The following TAPT1 variants were observed in gnomAD, a reference collection of about 807,000 sequenced individuals.
TAPT1 encodes the protein transmembrane anterior posterior transformation protein 1 homolog.
TAPT1 carries 28 observed loss-of-function variants against 65.6 expected under a neutral mutation model. The observed-to-expected ratio is 0.43, with a 90% CI of 0.32 to 0.59. TAPT1 has a LOEUF of 0.59. TAPT1 is among the 20% of genes least tolerant of loss of function. TAPT1 has a pLI of 0.09. For missense variants in TAPT1, 563 were observed against 679.9 expected, an observed-to-expected ratio of 0.83 and a Z score of 1.91; for synonymous variants, 278 against 245.2, an observed-to-expected ratio of 1.13 and a Z score of -1.25.
intron 13 of TAPT1, among the ~76,000 whole-genome samples, chr4:16,163,995 C>T (rs748641143): frequency 5.3e-5 from 8 of 152,120 alleles, no homozygotes; most frequent in Non-Finnish European, 1.0e-4. Flanking sequence ...CTGGGAAGTC[C>T]AAACCAGAGG....
At position 16,161,060 on chromosome 4, in the gene TAPT1, T is replaced by C. The variant is rs1045725497; in HGVS notation, c.*2248A>G. ...ATATTTTGTGTGACATTCAAAACAC[T>C]TGTAAAATGCAAATACCTTCATTTG... On this transcript the variant is annotated 3_prime_UTR_variant, in exon 14 of 14. Coordinates refer to ENST00000405303, the MANE Select transcript of TAPT1 (RefSeq NM_153365.3). The C allele has an allele frequency of 6.5e-6, 1 of 152,682 alleles. No homozygotes were observed. The highest frequency in any genetic ancestry group is 1.5e-5 in the Non-Finnish European group (1 of 68,048). 9.5% of individuals were successfully genotyped at this position (152,682 alleles called of 1,614,324 possible).
At chr4:16,166,233 G>T (rs2149663968) in intron 13 of TAPT1, among the ~76,000 whole-genome samples, 1 of 152,320 alleles carries the variant, frequency 6.6e-6, no homozygotes, top group East Asian at 1.9e-4. Context: ...CTTGGGGGAG[G>T]GCCCAACTCC....
At chr4:16,205,310 C>T (rs556746894) in intron 2 of TAPT1, among the ~76,000 whole-genome samples, 8 of 152,300 alleles carry the variant, frequency 5.3e-5, no homozygotes. Context: ...CCATCTCCTC[C>T]ACCACAACCA....
chr4:16,191,534 C>T lies in TAPT1; in HGVS notation c.450-11G>A, dbSNP rs778809395. The T allele has an allele frequency of 2.1e-5, 32 of 1,549,818 alleles. No homozygotes were observed. Among genetic ancestry groups the T allele is most frequent in the Non-Finnish European group, 2.6e-5 (30 of 1,146,228 alleles). On this transcript the variant is annotated splice_polypyrimidine_tract_variant and intron_variant, in intron 3 of 13. Transcript: ENST00000405303. ...AGCAAACGTCTGTCCCTGAAACATACAAGAAGTAATAAAAATATAATTTTT... is the reference window on the plus strand; with the variant it reads ...AGCAAACGTCTGTCCCTGAAACATATAAGAAGTAATAAAAATATAATTTTT...
chr4:16,180,533 G>A (rs1352088348), intron 7 of TAPT1, among the ~76,000 whole-genome samples: 1 of 152,138 alleles, frequency 6.6e-6, no homozygotes, highest in Non-Finnish European at 1.5e-5. Flanking sequence ...CTCAGTAAAT[G>A]CAAGCCTCAC....
In TAPT1 at chr4:16,161,192, T is replaced by C. The variant is rs974564425; in HGVS notation, c.*2116A>G. The stretch of plus-strand genomic sequence containing the variant: ...ACCAAAGCAATAATTCAAATTAAGA[T>C]AGCTCTATCACTTGTGAATTACAAA... On this transcript the variant is annotated 3_prime_UTR_variant, in exon 14 of 14. Coordinates refer to ENST00000405303, the MANE Select transcript of TAPT1 (RefSeq NM_153365.3). 6.6e-6 allele frequency: 1 copy of C among 152,644 alleles called. No individual in the cohort carries two copies. Among genetic ancestry groups the C allele is most frequent in the African/African-American group, 2.4e-5 (1 of 41,438 alleles). The allele number at this position is 152,644 out of a possible 1,614,324, so 9.5% of individuals were successfully genotyped here.
chr4:16,211,050 T>C (rs61006302), intron 2 of TAPT1, among the ~76,000 whole-genome samples: 1,527 of 152,070 alleles, frequency 0.01, 25 homozygotes, highest in African/African-American at 0.036. Context: ...GGGTGTTTTT[T>C]TTTTCACATT....
chr4:16,172,827 G>C (rs537020359), intron 11 of TAPT1, among the ~76,000 whole-genome samples: 65 of 150,932 alleles, frequency 4.3e-4, no homozygotes, highest in Non-Finnish European at 7.4e-4. Context: ...TTTTGTTTTT[G>C]TTGTTTTTTT....
At chr4:16,195,060 G>A (rs1285608197) in intron 3 of TAPT1, among the ~76,000 whole-genome samples, 7 of 151,998 alleles carry the variant, frequency 4.6e-5, no homozygotes, top group African/African-American at 9.7e-5. Flanking sequence ...AAATGTCCTT[G>A]TTAATAAAAA....
intron 8 of TAPT1, chr4:16,179,285 T>C (rs1327559527): frequency 7.5e-6 from 2 of 267,790 alleles, no homozygotes; most frequent in Non-Finnish European, 1.4e-5. Context: ...AGGCAAACTG[T>C]GACACAATGG....
chr4:16,219,630 C>T (rs879842635), intron 1 of TAPT1, among the ~76,000 whole-genome samples: 3 of 152,186 alleles, frequency 2.0e-5, no homozygotes, highest in East Asian at 1.9e-4. Flanking sequence ...CCTACTCCTG[C>T]GTAAGTGGCT....
rs934901237 is a variant in TAPT1, at chr4:16,177,830, T to A, written c.998-1602A>T. Among the ~76,000 whole-genome samples the A allele has an allele frequency of 3.9e-4, 58 of 148,840 alleles. No individual in the cohort carries two copies. In the South Asian group the frequency reaches 1.0e-2, roughly 26 times the overall value. On this transcript the variant is annotated intron_variant, in intron 8 of 13. Transcript: ENST00000405303. ...ATGGCACTTTGTTGGTTTTTTTTTT[T>A]AAGAAATTTTAATAAACCTAAAAAA...
At chr4:16,216,853 T>C (rs1479993224) in intron 1 of TAPT1, among the ~76,000 whole-genome samples, 2 of 152,102 alleles carry the variant, frequency 1.3e-5, no homozygotes, top group Non-Finnish European at 2.9e-5. Flanking sequence ...TCAGATATGG[T>C]TCTGCTGAAA....
chr4:16,167,609 G>A (rs1747725966), intron 12 of TAPT1, among the ~76,000 whole-genome samples: 1 of 152,198 alleles, frequency 6.6e-6, no homozygotes, highest in Non-Finnish European at 1.5e-5. Flanking sequence ...TCTGTGTGGA[G>A]TCCTGAGTCC....
intron 4 of TAPT1, 89 bp downstream of exon 4, chr4:16,191,272 A>T: frequency 1.5e-6 from 2 of 1,323,034 alleles, no homozygotes; most frequent in Non-Finnish European, 2.1e-6. Context: ...GAGTCGGTAG[A>T]GCATTCTTGA....
In TAPT1 at chr4:16,202,312, T is replaced by C. The variant is rs11946259; in HGVS notation, c.449+150A>G. 24,656 of 395,848 alleles carry C rather than the reference T, an allele frequency of 0.062. 4,513 individuals carry two copies. Among genetic ancestry groups the C allele is most frequent in the African/African-American group, 0.42 (20,141 of 47,718 alleles). The allele number at this position is 395,848 out of a possible 1,614,324, so 24.5% of individuals were successfully genotyped here. On this transcript the variant is annotated intron_variant, in intron 3 of 13. Transcript: ENST00000405303. Reference sequence around the variant, plus strand: ...AGCTTAATATTATATAAACATATTATATAATATCCATTAAAAAGGTAAACA... The same window carrying C: ...AGCTTAATATTATATAAACATATTACATAATATCCATTAAAAAGGTAAACA...
intron 4 of TAPT1, chr4:16,190,511 G>C (rs1037195044): frequency 6.6e-6 from 1 of 152,116 alleles, no homozygotes; most frequent in Non-Finnish European, 1.5e-5. Flanking sequence ...GCTAATTTTT[G>C]TATTTTTAGT....
intron 2 of TAPT1, among the ~76,000 whole-genome samples, chr4:16,209,459 G>T (rs1287549427): frequency 6.6e-6 from 1 of 152,176 alleles, no homozygotes; most frequent in Non-Finnish European, 1.5e-5. Context: ...GTGTGTAAGT[G>T]ATCTTTATCT....
intron 8 of TAPT1, 53 bp from the exon 9 acceptor site, chr4:16,176,281 A>C (rs1560156535): frequency 1.2e-6 from 1 of 863,866 alleles, no homozygotes; most frequent in Non-Finnish European, 1.8e-6. Context: ...AACAGAATCC[A>C]TATCACAGGC....
Sources: allele counts gnomAD v4.1 joint callset (sites outside exome capture counted in the v4.1 genomes callset), GRCh38; gene constraint gnomAD v4.1.1; transcripts MANE v1.5; gene names NCBI Gene and HGNC (gene_info 2026-07-23, HGNC 2026-07-21).